CKAP5: variants seen among roughly 807,000 people sequenced by gnomAD.
The protein encoded by CKAP5 is cytoskeleton-associated protein 5.
In CKAP5, 27 loss-of-function variants were observed where a neutral mutation model predicts 232.8. The ratio of observed to expected loss-of-function variants is 0.12; its 90% CI spans 0.09 to 0.16. CKAP5 has a LOEUF of 0.16. CKAP5 is among the 10% of genes least tolerant of loss of function. CKAP5 has a pLI of 1.00. For missense variants in CKAP5, 1,838 were observed against 2,424.7 expected (o/e 0.76, Z 5.08); for synonymous variants, 785 against 841.1 (o/e 0.93, Z 1.16).
chr11:46,752,741 A>C, intron 37 of CKAP5, 31 bp from the exon 38 acceptor site: 1 of 1,563,966 alleles, frequency 6.4e-7, no homozygotes, highest in African/African-American at 1.4e-5. Flanking sequence ...AACAGCATTA[A>C]GTTTCAAACC....
At chr11:46,806,609 T>C (rs1032605880) in intron 8 of CKAP5, among the ~76,000 whole-genome samples, 1 of 152,224 alleles carries the variant, frequency 6.6e-6, no homozygotes, top group Admixed American at 6.5e-5. Flanking sequence ...GGAAAATTGA[T>C]GACTGAACAA....
chr11:46,748,031 G>A (rs767937976), intron 42 of CKAP5, among the ~76,000 whole-genome samples: 6 of 152,110 alleles, frequency 3.9e-5, no homozygotes, highest in African/African-American at 4.8e-5. Flanking sequence ...GTGAGAGAGC[G>A]AGACCCTGAC....
At chr11:46,745,659 A>G (rs2065017324) in intron 42 of CKAP5, among the ~76,000 whole-genome samples, 1 of 152,224 alleles carries the variant, frequency 6.6e-6, no homozygotes, top group Admixed American at 6.5e-5. Flanking sequence ...CCTGGGCAAC[A>G]AAAAGAGACC....
chr11:46,817,588 G>A (rs1939432548), intron 3 of CKAP5, among the ~76,000 whole-genome samples: 1 of 152,128 alleles, frequency 6.6e-6, no homozygotes, highest in Admixed American at 6.5e-5. Context: ...TAACCAAATT[G>A]TCAAATTAAT....
intron 1 of CKAP5, among the ~76,000 whole-genome samples, chr11:46,841,967 C>T (rs1009104185): frequency 2.2e-5 from 3 of 138,638 alleles, no homozygotes; most frequent in African/African-American, 8.3e-5. Flanking sequence ...CATTGCACTC[C>T]AGCCCTGGAG....
chr11:46,790,395 C>G, intron 14 of CKAP5, 75 bp downstream of exon 14: 7 of 1,126,008 alleles, frequency 6.2e-6, no homozygotes, highest in Non-Finnish European at 9.3e-6. Flanking sequence ...TAGAACCCAG[C>G]AAAGAACTCC....
chr11:46,823,503 T>C (rs1939590167), intron 1 of CKAP5, among the ~76,000 whole-genome samples: 2 of 152,342 alleles, frequency 1.3e-5, no homozygotes, highest in Middle Eastern at 3.4e-3. Flanking sequence ...TTTGAGAATA[T>C]GATGTTTAAA....
In CKAP5 at chr11:46,778,279, C is replaced by A; in HGVS notation, c.2608G>T (p.Gly870Cys). ...TTCCTAATCTTCCAATTCTTATCAC[C>A]AATCTTAGATACCAACTCTGAAGTG... The part of the protein sequence containing the change: ...KITSELVSKI[G>C]DKNWKIRKEG... The change falls in exon 22 of 44, where the codon GGT (glycine) becomes TGT (cysteine). Residue 870 changes from glycine to cysteine, a missense_variant. This residue lies in a region of CKAP5 where 767 missense variants were observed against 954.6 expected (regional missense o/e 0.80). Coordinates refer to ENST00000529230, the MANE Select transcript of CKAP5 (RefSeq NM_001008938.4). 1.2e-6 allele frequency: 2 copies of A among 1,613,822 alleles called. No homozygotes were observed. The highest frequency in any genetic ancestry group is 1.7e-6 in the Non-Finnish European group (2 of 1,179,846).
rs1283086081 is a variant in CKAP5, at chr11:46,783,388, A to C, written c.2155-20T>G. ...CACAACCTGAAAAGGGAAAAACAGCAGATCTGTGTTTTATCTCGTATTTCT... is the reference window on the plus strand; with the variant it reads ...CACAACCTGAAAAGGGAAAAACAGCCGATCTGTGTTTTATCTCGTATTTCT... On this transcript the variant is annotated intron_variant, in intron 17 of 43. Coordinates refer to ENST00000529230, the MANE Select transcript of CKAP5 (RefSeq NM_001008938.4). 1.4e-6 allele frequency: 2 copies of C among 1,443,438 alleles called. No homozygotes were observed. Among genetic ancestry groups the C allele is most frequent in the Admixed American group, 1.7e-5 (1 of 58,294 alleles). The allele number at this position is 1,443,438 out of a possible 1,614,324, so 89.4% of individuals were successfully genotyped here. A position where few individuals can be genotyped will look rare whatever the true frequency, so the allele number is the denominator to read the frequency against.
chr11:46,770,226 G>T, intron 25 of CKAP5, 128 bp from the exon 26 acceptor site: 1 of 900,080 alleles, frequency 1.1e-6, no homozygotes, highest in Non-Finnish European at 1.8e-6. Flanking sequence ...TGAAGTAAGG[G>T]AGGCAGTACA....
At chr11:46,768,247 A>C (rs2065220456) in intron 26 of CKAP5, among the ~76,000 whole-genome samples, 1 of 151,934 alleles carries the variant, frequency 6.6e-6, no homozygotes, top group Admixed American at 6.6e-5. Flanking sequence ...CTAGAGTGCA[A>C]TAGCACGTTC....
chr11:46,762,832 T>C, intron 30 of CKAP5, 70 bp from the exon 31 acceptor site: 1 of 1,534,956 alleles, frequency 6.5e-7, no homozygotes, highest in Non-Finnish European at 9.0e-7. Flanking sequence ...CATGCATTAC[T>C]ATGTTTTGAA....
intron 16 of CKAP5, among the ~76,000 whole-genome samples, chr11:46,785,960 T>C (rs1237999896): frequency 4.6e-5 from 7 of 151,552 alleles, no homozygotes; most frequent in Non-Finnish European, 7.4e-5. Context: ...CCCCCAAAAT[T>C]TGACATAGCA....
chr11:46,834,071 T>C (rs1939859497), intron 1 of CKAP5, among the ~76,000 whole-genome samples: 1 of 152,198 alleles, frequency 6.6e-6, no homozygotes, highest in African/African-American at 2.4e-5. Context: ...TGTTTCACCA[T>C]GTTGGCCAGG....
chr11:46,766,573 A>G (rs2065204251), intron 27 of CKAP5, among the ~76,000 whole-genome samples: 1 of 152,170 alleles, frequency 6.6e-6, no homozygotes, highest in Non-Finnish European at 1.5e-5. Flanking sequence ...AACATTCTCT[A>G]TATTTTTTCA....
intron 11 of CKAP5, among the ~76,000 whole-genome samples, 175 bp downstream of exon 11, chr11:46,797,630 T>C (rs1938910451): frequency 6.6e-6 from 1 of 152,174 alleles, no homozygotes; most frequent in Non-Finnish European, 1.5e-5. Flanking sequence ...GTGCTTTCTT[T>C]CAAGAAGAGG....
At chr11:46,826,505 CAAGT>C (rs1592485707) in intron 1 of CKAP5, among the ~76,000 whole-genome samples, 1 of 152,162 alleles carries the variant, frequency 6.6e-6, no homozygotes, top group Non-Finnish European at 1.5e-5. Context: ...CTCCTCACCC[CAAGT>C]AAGAACCAGG....
At chr11:46,748,765 TCAAAACAAAA>T (rs375054462) in intron 42 of CKAP5, among the ~76,000 whole-genome samples, 28 of 152,132 alleles carry the variant, frequency 1.8e-4, no homozygotes, top group East Asian at 1.2e-3. Flanking sequence ...CGAGACTGTC[TCAAAACAAAA>T]CAAAACAAAA....
intron 1 of CKAP5, among the ~76,000 whole-genome samples, chr11:46,832,374 T>C (rs1020283128): frequency 7.2e-5 from 11 of 152,230 alleles, no homozygotes; most frequent in Non-Finnish European, 1.5e-5. Flanking sequence ...TTAGAATCTT[T>C]CACTTTGGCA....
Sources: gnomAD v4.1 joint callset for allele counts (sites outside exome capture counted in the v4.1 genomes callset) on GRCh38, gnomAD v4.1.1 for gene constraint, gnomAD v4.1.1 regional missense constraint, MANE v1.5 for transcripts, NCBI Gene and HGNC (gene_info 2026-07-23, HGNC 2026-07-21) for gene names.